ADGRG5: variants seen among roughly 807,000 people sequenced by gnomAD.
The protein encoded by ADGRG5 is G protein-coupled receptor 114.
Under a neutral mutation model 53.2 loss-of-function variants are expected in ADGRG5, and 37 were observed. The ratio of observed to expected loss-of-function variants is 0.70; its 90% CI spans 0.53 to 0.91. The LOEUF is 0.91. Ranked by LOEUF, ADGRG5 falls within the 40% of genes least tolerant of loss-of-function variation. ADGRG5 has a pLI of 0.00. For synonymous variants in ADGRG5, 277 were observed against 290.4 expected, an observed-to-expected ratio of 0.95 and a Z score of 0.47; for missense variants, 614 against 675.8, an observed-to-expected ratio of 0.91 and a Z score of 1.01.
At position 57,574,098 on chromosome 16, in the gene ADGRG5, G is replaced by A. The variant is rs2033439855; in HGVS notation, c.1209-717G>A. ...TTTTCTCCTGCCTCAGCATGACATT[G>A]TGTCCGACTAAAAGGTGGCATCTGT... On this transcript the variant is annotated intron_variant, in intron 10 of 11. Coordinates refer to ENST00000349457, the MANE Select transcript of ADGRG5 (RefSeq NM_001304376.3). The surrounding 1 kb of genome is among the most constrained non-coding windows in gnomAD (Gnocchi z 4.4). Among the ~76,000 whole-genome samples the A allele has an allele frequency of 6.6e-6, 1 of 152,218 alleles. No homozygotes were observed. Among genetic ancestry groups the A allele is most frequent in the Admixed American group, 6.5e-5 (1 of 15,282 alleles).
chr16:57,560,655 A>G (rs2032978738), intron 1 of ADGRG5, among the ~76,000 whole-genome samples: 1 of 152,118 alleles, frequency 6.6e-6, no homozygotes, highest in African/African-American at 2.4e-5. Flanking sequence ...CAGAGAGTAA[A>G]CTTTGTGTGG....
intron 11 of ADGRG5, 79 bp from the exon 12 acceptor site, chr16:57,575,359 C>A: frequency 1.5e-6 from 2 of 1,364,220 alleles, no homozygotes; most frequent in Non-Finnish European, 2.1e-6. Context: ...CCAGGGAGGC[C>A]AGCTCGCTGC....
intron 1 of ADGRG5, among the ~76,000 whole-genome samples, chr16:57,553,758 G>T (rs573548538): frequency 6.6e-6 from 1 of 152,332 alleles, no homozygotes; most frequent in South Asian, 2.1e-4. Flanking sequence ...CTATATTCAT[G>T]AGGGGTGTTG....
Position 57,567,963 on chromosome 16 carries a change from C to T in ADGRG5, c.929C>T (p.Pro310Leu), listed in dbSNP as rs752205281. Residue 310 changes from proline (P) to leucine (L), a missense_variant, in exon 9 of 12, where the codon CCC becomes CTC. By Grantham distance (98) the Pro-to-Leu change is moderately conservative. Transcript: ENST00000349457. The part of the protein sequence containing the change: ...LSPAFAMSPV[P>L]GSACTALAAA... ...CCCGCATTCGCAATGTCTCCTGTGC[C>T]CGGGTCAGCATGCACGGCTCTGGCC... 4 of 1,614,014 alleles carry T rather than the reference C, an allele frequency of 2.5e-6. No homozygotes were observed. The highest frequency in any genetic ancestry group is 2.5e-6 in the Non-Finnish European group (3 of 1,179,976).
the ADGRG5 span, among the ~76,000 whole-genome samples, chr16:57,534,630 A>T: frequency 6.6e-6 from 1 of 152,170 alleles, no homozygotes; most frequent in African/African-American, 2.4e-5. Context: ...GCATCAGCAC[A>T]GGGCCCAGCA....
chr16:57,575,149 G>T (rs1202596156), intron 11 of ADGRG5, 57 bp downstream of exon 11: 2 of 1,557,606 alleles, frequency 1.3e-6, no homozygotes, highest in Non-Finnish European at 1.7e-6. Flanking sequence ...ATGGCTGGTG[G>T]GATGTTCACT....
upstream of ADGRG5, among the ~76,000 whole-genome samples, chr16:57,538,511 C>T (rs913055185): frequency 3.9e-5 from 6 of 152,136 alleles, no homozygotes; most frequent in African/African-American, 1.2e-4. Context: ...GAGGCAGAGG[C>T]CAGAGGATCG....
At chr16:57,537,870 A>T (rs541611968), upstream of ADGRG5, among the ~76,000 whole-genome samples, 1 of 152,194 alleles carries the variant, frequency 6.6e-6, no homozygotes, top group South Asian at 2.1e-4. Context: ...TAGATAGGAG[A>T]TGTATGTGGG....
rs778334389 is a variant in ADGRG5, at chr16:57,567,904, C to A, written c.870C>A (p.Ser290=). The A allele has an allele frequency of 6.2e-6, 10 of 1,613,268 alleles. No homozygotes were observed. In the Admixed American group the frequency reaches 1.7e-4, roughly 27 times the overall value. ...GCATCCACATGAACCTGCATGCCTCCGTGCTGCTCCTGAACATCGCCTTCC... is the reference window on the plus strand; with the variant it reads ...GCATCCACATGAACCTGCATGCCTCAGTGCTGCTCCTGAACATCGCCTTCC... ...LTRIHMNLHA[S]VLLLNIAFLL... is the part of the protein sequence containing the mutation. Residue 290 remains serine, a synonymous_variant, in exon 9 of 12, where the codon TCC becomes TCA. Coordinates refer to ENST00000349457, the MANE Select transcript of ADGRG5 (RefSeq NM_001304376.3).
intron 1 of ADGRG5, among the ~76,000 whole-genome samples, chr16:57,560,890 CCTCACCCACCTGAGTAG>C (rs2032985231): frequency 6.6e-6 from 1 of 152,130 alleles, no homozygotes; most frequent in African/African-American, 2.4e-5. Flanking sequence ...GCAGGATCCA[CCTCACCCACCTGAGTAG>C]CTGGAGACAC....
intron 11 of ADGRG5, 23 bp from the exon 12 acceptor site, chr16:57,575,415 G>T (rs1218958717): frequency 3.1e-6 from 5 of 1,610,844 alleles, no homozygotes; most frequent in Non-Finnish European, 4.2e-6. Flanking sequence ...CTGCCCCGTG[G>T]AACTCCCGCC....
chr16:57,543,773 G>A (rs1407117459), intron 1 of ADGRG5, among the ~76,000 whole-genome samples: 1 of 152,082 alleles, frequency 6.6e-6, no homozygotes, highest in African/African-American at 2.4e-5. Context: ...GGAAGGCAGG[G>A]GTTCCCAAGC....
Position 57,574,548 on chromosome 16 carries a change from G to A in ADGRG5, c.1209-267G>A, listed in dbSNP as rs9936714. Among the ~76,000 whole-genome samples, 3 of 152,246 alleles carry A rather than the reference G, an allele frequency of 2.0e-5. No homozygotes were observed. Among genetic ancestry groups the A allele is most frequent in the South Asian group, 2.1e-4 (1 of 4,834 alleles). ...GAAAGGAGAGAGGAAGAATTTTCAG[G>A]GGGGTGAAGACATGGGGACGTGAGA... is the stretch of plus-strand genomic sequence containing the variant. On this transcript the variant is annotated intron_variant, in intron 10 of 11. Transcript: ENST00000349457. The surrounding 1 kb of genome is among the most constrained non-coding windows in gnomAD (Gnocchi z 4.4).
chr16:57,570,703 T>G (rs865859807), intron 10 of ADGRG5, among the ~76,000 whole-genome samples, 168 bp downstream of exon 10: 1 of 152,200 alleles, frequency 6.6e-6, no homozygotes, highest in Admixed American at 6.5e-5. Context: ...ATCCCTTCCA[T>G]GGATCCAGGT....
chr16:57,544,615 T>G (rs543796823), intron 1 of ADGRG5, among the ~76,000 whole-genome samples: 12 of 152,216 alleles, frequency 7.9e-5, no homozygotes, highest in African/African-American at 2.9e-4. Flanking sequence ...AATCCATCTA[T>G]CTCTCTGGGC....
chr16:57,538,581 C>A (rs1261298099), upstream of ADGRG5, among the ~76,000 whole-genome samples: 1 of 152,122 alleles, frequency 6.6e-6, no homozygotes, highest in Non-Finnish European at 1.5e-5. Flanking sequence ...CTGACTGTTT[C>A]AATTTTACCA....
At chr16:57,561,909 C>T (rs2033010293) in intron 1 of ADGRG5, 147 bp from the exon 2 acceptor site, 1 of 464,252 alleles carries the variant, frequency 2.2e-6, no homozygotes, top group Non-Finnish European at 3.8e-6. Flanking sequence ...AGACCCTTTG[C>T]CCTTCATCCT....
rs141284347 is a variant in ADGRG5 at position 57,573,197 on chromosome 16, C to T, written c.1209-1618C>T. 9.8e-3 allele frequency among the ~76,000 whole-genome samples: 1,491 copies of T among 152,016 alleles called. 19 individuals are homozygous for T. The highest frequency in any genetic ancestry group is 0.058 in the South Asian group (277 of 4,796). ...CTGTAATCCCAGGACTTTGGAAGGC[C>T]GAGGCAGGTGGATCAACTGAGGTCA... On this transcript the variant is annotated intron_variant, in intron 10 of 11. Transcript: ENST00000349457.
In ADGRG5 at chr16:57,562,017, C is replaced by T. The variant is rs537811122; in HGVS notation, c.-38-39C>T. On this transcript the variant is annotated intron_variant, in intron 1 of 11. Coordinates refer to ENST00000349457, the MANE Select transcript of ADGRG5 (RefSeq NM_001304376.3). ...CCAGACACCTAGAAGTTAGAGGTTG[C>T]TCTTTTATCATCATGGTGATGGCAT... 1.4e-4 allele frequency: 177 copies of T among 1,234,522 alleles called. 1 individual carries two copies. Among genetic ancestry groups the T allele is most frequent in the Admixed American group, 1.0e-3 (43 of 41,406 alleles). The allele number at this position is 1,234,522 out of a possible 1,614,324, so 76.5% of individuals were successfully genotyped here.
Sources: allele counts gnomAD v4.1 joint callset (sites outside exome capture counted in the v4.1 genomes callset), GRCh38; gene constraint gnomAD v4.1.1; non-coding constraint Gnocchi (gnomAD v3.1); transcripts MANE v1.5; gene names NCBI Gene and HGNC (gene_info 2026-07-23, HGNC 2026-07-21).